Variants in UNC5C observed in about 807,000 individuals in gnomAD.
UNC5C encodes the protein unc-5 netrin receptor C.
UNC5C carries 47 observed loss-of-function variants against 99.8 expected under a neutral mutation model. The ratio of observed to expected loss-of-function variants is 0.47; its 90% CI spans 0.37 to 0.60. The LOEUF (loss-of-function observed/expected upper bound fraction) is 0.60. Among genes scored for constraint, UNC5C ranks in the 20% least tolerant of loss-of-function variants. The pLI, the probability that UNC5C is intolerant of heterozygous loss-of-function variation, is 0.00. For missense variants in UNC5C, 1,062 were observed against 1,165.9 expected (o/e 0.91, Z 1.30); for synonymous variants, 487 against 452.2 (o/e 1.08, Z -0.98).
intron 1 of UNC5C, among the ~76,000 whole-genome samples, chr4:95,352,286 C>T (rs1744019100): frequency 6.6e-6 from 1 of 152,142 alleles, no homozygotes; most frequent in South Asian, 2.1e-4. Context: ...TCTTTGAACA[C>T]ACCAAACTCA....
intron 1 of UNC5C, among the ~76,000 whole-genome samples, chr4:95,533,299 C>T (rs952118654): frequency 1.3e-5 from 2 of 151,358 alleles, no homozygotes; most frequent in African/African-American, 4.9e-5. Flanking sequence ...CTTGGGAGGC[C>T]GAGGAAGAAT....
intron 12 of UNC5C, among the ~76,000 whole-genome samples, chr4:95,187,546 G>A (rs1579211047): frequency 6.6e-6 from 1 of 152,180 alleles, no homozygotes; most frequent in Admixed American, 6.5e-5. Context: ...CTGCCTATTG[G>A]CCATGACCTT....
intron 1 of UNC5C, among the ~76,000 whole-genome samples, chr4:95,490,954 G>T (rs974182837): frequency 2.6e-5 from 4 of 151,528 alleles, no homozygotes; most frequent in Non-Finnish European, 5.9e-5. Flanking sequence ...TAGACAGAGA[G>T]AACTTCTGGT....
intron 1 of UNC5C, among the ~76,000 whole-genome samples, chr4:95,503,017 C>T (rs1721817122): frequency 6.6e-6 from 1 of 152,048 alleles, no homozygotes; most frequent in Non-Finnish European, 1.5e-5. Flanking sequence ...TCTTAACTTC[C>T]TATTCAGTGA....
intron 1 of UNC5C, among the ~76,000 whole-genome samples, chr4:95,497,405 C>A (rs1721658826): frequency 6.6e-6 from 1 of 151,908 alleles, no homozygotes; most frequent in Non-Finnish European, 1.5e-5. Context: ...TAATTCTATT[C>A]TACACTTACT....
intron 1 of UNC5C, among the ~76,000 whole-genome samples, chr4:95,421,766 T>C (rs1699633103): frequency 6.6e-6 from 1 of 152,218 alleles, no homozygotes; most frequent in South Asian, 2.1e-4. Flanking sequence ...CTTCTTACTG[T>C]GTTTTTGAGA....
intron 1 of UNC5C, among the ~76,000 whole-genome samples, chr4:95,341,532 AG>A (rs147082528): frequency 2.1e-5 from 3 of 141,072 alleles, no homozygotes; most frequent in Admixed American, 7.3e-5. Context: ...AAAGAAAAAA[AG>A]AAAAGAAAAA....
chr4:95,322,840 G>C (rs1742740858), intron 2 of UNC5C, among the ~76,000 whole-genome samples: 1 of 151,556 alleles, frequency 6.6e-6, no homozygotes. Context: ...TTTTAGGCTG[G>C]GGCAGGAGAA....
intron 1 of UNC5C, among the ~76,000 whole-genome samples, chr4:95,381,104 G>C (rs1014350263): frequency 6.6e-6 from 1 of 152,104 alleles, no homozygotes; most frequent in East Asian, 1.9e-4. Flanking sequence ...TTCTTAAGGA[G>C]CTTTTTGTTT....
At chr4:95,460,664 T>C (rs1747574941) in intron 1 of UNC5C, among the ~76,000 whole-genome samples, 2 of 152,242 alleles carry the variant, frequency 1.3e-5, no homozygotes, top group African/African-American at 4.8e-5. Flanking sequence ...TGTAAGTCCA[T>C]TAAACGTCTT....
intron 1 of UNC5C, among the ~76,000 whole-genome samples, chr4:95,400,939 G>T (rs934513200): frequency 6.6e-6 from 1 of 152,206 alleles, no homozygotes; most frequent in Non-Finnish European, 1.5e-5. Flanking sequence ...AACTAATACA[G>T]CTGCCAAATC....
intron 10 of UNC5C, 26 bp downstream of exon 10, chr4:95,216,098 C>A: frequency 6.3e-7 from 1 of 1,585,658 alleles, no homozygotes; most frequent in South Asian, 1.1e-5. Context: ...TTGGTAAAGT[C>A]AGTGCACCAG....
intron 9 of UNC5C, among the ~76,000 whole-genome samples, chr4:95,217,674 A>G (rs980831709): frequency 2.0e-5 from 3 of 152,222 alleles, no homozygotes; most frequent in South Asian, 2.1e-4. Context: ...AATAATGCAC[A>G]TATGAAAAAG....
intron 1 of UNC5C, among the ~76,000 whole-genome samples, chr4:95,470,949 C>A (rs555646533): frequency 6.6e-6 from 1 of 151,896 alleles, no homozygotes; most frequent in South Asian, 2.1e-4. Context: ...TTCTAGCCAT[C>A]ATGAGTGTCA....
rs537884014 is a variant in UNC5C at position 95,331,353 on chromosome 4, T to G, written c.346+4057A>C. 6.6e-5 allele frequency among the ~76,000 whole-genome samples: 10 copies of G among 152,240 alleles called. No individual in the cohort carries two copies. In the South Asian group the frequency reaches 1.4e-3, roughly 22 times the overall value. On this transcript the variant is annotated intron_variant, in intron 2 of 15. Transcript: ENST00000453304. Reference sequence around the variant, plus strand: ...GATGCCAAGTAGTGGTATTGCTGGATTAAATGGTGTTCTATTTTTAGTTCT... The same window carrying G: ...GATGCCAAGTAGTGGTATTGCTGGAGTAAATGGTGTTCTATTTTTAGTTCT...
Position 95,290,194 on chromosome 4 carries a change from T to A in UNC5C, c.490+11412A>T, listed in dbSNP as rs114611313. ...GGTAGTAGGTATCTGTAGTCCCAGA[T>A]ACTAGGGAGGCTGAGGTGGGAGGAT... On this transcript the variant is annotated intron_variant, in intron 3 of 15. Coordinates refer to ENST00000453304, the MANE Select transcript of UNC5C (RefSeq NM_003728.4). Among the ~76,000 whole-genome samples the A allele has an allele frequency of 7.3e-3, 1,117 of 152,026 alleles. 11 individuals are homozygous for A. The highest frequency in any genetic ancestry group is 0.025 in the African/African-American group (1,019 of 41,464).
At chr4:95,450,257 G>A (rs1391313792) in intron 1 of UNC5C, among the ~76,000 whole-genome samples, 2 of 152,170 alleles carry the variant, frequency 1.3e-5, no homozygotes, top group Non-Finnish European at 2.9e-5. Flanking sequence ...TGTCACCTAG[G>A]CTAGAGTGCA....
intron 11 of UNC5C, among the ~76,000 whole-genome samples, chr4:95,205,221 G>T (rs980806437): frequency 1.3e-5 from 2 of 152,130 alleles, no homozygotes; most frequent in Non-Finnish European, 2.9e-5. Flanking sequence ...CGTTGTTATT[G>T]TAACTACTCA....
intron 1 of UNC5C, among the ~76,000 whole-genome samples, chr4:95,364,714 G>A (rs1015250348): frequency 2.0e-5 from 3 of 152,074 alleles, no homozygotes; most frequent in Admixed American, 2.0e-4. Context: ...ATATTTCTAA[G>A]GTTATTGTGA....
Sources: gnomAD v4.1 joint callset for allele counts (sites outside exome capture counted in the v4.1 genomes callset) on GRCh38, gnomAD v4.1.1 for gene constraint, MANE v1.5 for transcripts, NCBI Gene and HGNC (gene_info 2026-07-23, HGNC 2026-07-21) for gene names.